PRELID2: variants seen among roughly 807,000 people sequenced by gnomAD.
The protein encoded by PRELID2 is PRELI domain containing 2.
In PRELID2, 25 loss-of-function variants were observed where a neutral mutation model predicts 28.4. The ratio of observed to expected loss-of-function variants is 0.88; its 90% CI spans 0.64 to 1.23. The LOEUF (loss-of-function observed/expected upper bound fraction) is 1.23, where lower values mean the gene tolerates loss of function less well. PRELID2 is among the 50% of genes most tolerant of loss of function. PRELID2 has a pLI of 0.00. For missense variants in PRELID2, 201 were observed against 214.4 expected (o/e 0.94, Z 0.39); for synonymous variants, 76 against 71.6 (o/e 1.06, Z -0.31).
At chr5:145,674,469 C>T (rs1754774216) in intron 1 of PRELID2, among the ~76,000 whole-genome samples, 1 of 152,052 alleles carries the variant, frequency 6.6e-6, no homozygotes, top group Non-Finnish European at 1.5e-5. Context: ...CATTTAATAA[C>T]TGAAAAGTGT....
the PRELID2 span, among the ~76,000 whole-genome samples, chr5:145,260,190 A>G: frequency 1.5e-4 from 23 of 152,162 alleles, no homozygotes; most frequent in African/African-American, 5.6e-4. Flanking sequence ...TGTTTCCTGC[A>G]CAGCCTGCAG....
At chr5:145,239,873 A>G in the PRELID2 span, among the ~76,000 whole-genome samples, 4 of 152,036 alleles carry the variant, frequency 2.6e-5, no homozygotes, top group African/African-American at 9.7e-5. Flanking sequence ...CTGCCACTGA[A>G]TAACTTAAGG....
chr5:145,463,342 G>GTTTT, the PRELID2 span, among the ~76,000 whole-genome samples: 2 of 135,812 alleles, frequency 1.5e-5, no homozygotes, highest in Non-Finnish European at 3.1e-5. Context: ...CCTATTTGAA[G>GTTTT]TTTTTTTTTT....
the PRELID2 span, among the ~76,000 whole-genome samples, chr5:145,343,778 C>T: frequency 2.5e-3 from 383 of 150,856 alleles, 2 homozygotes; most frequent in African/African-American, 8.8e-3. Flanking sequence ...GTAGATGAAC[C>T]AAGAAAAAAA....
the PRELID2 span, among the ~76,000 whole-genome samples, chr5:145,309,581 C>T: frequency 9.7e-4 from 148 of 152,224 alleles, 1 homozygote; most frequent in East Asian, 2.5e-3. Flanking sequence ...ATAAAATAAT[C>T]AAAAATTCCC....
chr5:145,304,925 G>T, the PRELID2 span, among the ~76,000 whole-genome samples: 2 of 152,126 alleles, frequency 1.3e-5, no homozygotes, highest in African/African-American at 4.8e-5. Context: ...ACATAGTAGA[G>T]ATTTGGAAAA....
the PRELID2 span, among the ~76,000 whole-genome samples, chr5:145,390,127 A>G: frequency 3.9e-5 from 6 of 152,222 alleles, no homozygotes; most frequent in Non-Finnish European, 5.9e-5. Flanking sequence ...GGAAGTACAT[A>G]GGAAAGACAC....
chr5:145,275,978 G>T, the PRELID2 span, among the ~76,000 whole-genome samples: 1 of 152,066 alleles, frequency 6.6e-6, no homozygotes, highest in Non-Finnish European at 1.5e-5. Context: ...ATAACTAGCA[G>T]TTTCTGACAC....
the PRELID2 span, among the ~76,000 whole-genome samples, chr5:145,460,796 T>C: frequency 6.6e-6 from 1 of 152,238 alleles, no homozygotes. Flanking sequence ...TATTGTGCTA[T>C]ACTGCCTCCT....
At chr5:145,410,049 G>A in the PRELID2 span, among the ~76,000 whole-genome samples, 1 of 152,082 alleles carries the variant, frequency 6.6e-6, no homozygotes, top group Admixed American at 6.6e-5. Context: ...AAACAAAAAT[G>A]TAAGGTGGCA....
the PRELID2 span, among the ~76,000 whole-genome samples, chr5:145,330,644 T>C: frequency 6.6e-6 from 1 of 152,312 alleles, no homozygotes; most frequent in African/African-American, 2.4e-5. Flanking sequence ...TTTTATTTTG[T>C]CTATTTGATT....
the PRELID2 span, among the ~76,000 whole-genome samples, chr5:145,264,329 T>C: frequency 6.6e-6 from 1 of 152,172 alleles, no homozygotes; most frequent in African/African-American, 2.4e-5. Context: ...GATGTAGGGA[T>C]GGTTTAATAT....
At chr5:145,658,511 GTGCCATCCCCTTGGTGATGAGTGAGTACT>G (rs1361854822) in intron 1 of PRELID2, among the ~76,000 whole-genome samples, 2 of 152,176 alleles carry the variant, frequency 1.3e-5, no homozygotes, top group Non-Finnish European at 2.9e-5. Flanking sequence ...GAATGACTTA[GTGCCATCCCCTTGGTGATGAGTGAGTACT>G]TGCTCAGTTA....
chr5:145,363,129 A>C, the PRELID2 span, among the ~76,000 whole-genome samples: 1 of 151,854 alleles, frequency 6.6e-6, no homozygotes, highest in Non-Finnish European at 1.5e-5. Flanking sequence ...AAAAAAAAAA[A>C]AAACAGAGAA....
chr5:145,280,194 A>G, the PRELID2 span, among the ~76,000 whole-genome samples: 1 of 152,006 alleles, frequency 6.6e-6, no homozygotes, highest in African/African-American at 2.4e-5. Context: ...CCCCCTCCCT[A>G]TGTCACGGGG....
At chr5:145,270,398 A>C in the PRELID2 span, among the ~76,000 whole-genome samples, 12 of 152,136 alleles carry the variant, frequency 7.9e-5, no homozygotes, top group Non-Finnish European at 1.6e-4. Flanking sequence ...CTCAGGAATA[A>C]AAAGGAACAC....
intron 1 of PRELID2, among the ~76,000 whole-genome samples, chr5:145,514,318 C>CAAAAAAAAAAAAAAAAAAAAAAAAAAA (rs55760860): frequency 8.9e-5 from 6 of 67,486 alleles, no homozygotes; most frequent in Non-Finnish European, 1.5e-4. Context: ...AAATGGAAAG[C>CAAAAAAAAAAAAAAAAAAAAAAAAAAA]AAAAAAAAAA....
intron 1 of PRELID2, among the ~76,000 whole-genome samples, chr5:145,552,565 T>C (rs991001110): frequency 1.3e-5 from 2 of 151,988 alleles, no homozygotes; most frequent in Admixed American, 6.6e-5. Context: ...GCCTCGGGGA[T>C]ACAAGAGGAG....
the PRELID2 span, among the ~76,000 whole-genome samples, chr5:145,386,551 C>T: frequency 6.6e-6 from 1 of 152,082 alleles, no homozygotes; most frequent in East Asian, 1.9e-4. Context: ...CCTGAGGCCT[C>T]CCCAGCCATG....
Sources: allele counts gnomAD v4.1 joint callset (sites outside exome capture counted in the v4.1 genomes callset), GRCh38; gene constraint gnomAD v4.1.1; transcripts MANE v1.5; gene names NCBI Gene and HGNC (gene_info 2026-07-23, HGNC 2026-07-21).